The following KHDRBS2 variants were observed in gnomAD, a reference collection of about 807,000 sequenced individuals.
The protein encoded by KHDRBS2 is KH RNA binding domain containing, signal transduction associated 2, also known as KH domain-containing, RNA-binding, signal transduction-associated protein 2.
Under a neutral mutation model 44.3 loss-of-function variants are expected in KHDRBS2, and 26 were observed. The observed-to-expected ratio is 0.59, with a 90% CI of 0.43 to 0.81. KHDRBS2 has a LOEUF of 0.81. Among genes scored for constraint, KHDRBS2 ranks in the 40% least tolerant of loss-of-function variants. The pLI is 0.00. For synonymous variants in KHDRBS2, 194 were observed against 151.1 expected, an observed-to-expected ratio of 1.28 and a Z score of -2.08; for missense variants, 476 against 433.1, an observed-to-expected ratio of 1.10 and a Z score of -0.88.
At chr6:61,685,288 A>G (rs17239078) in intron 8 of KHDRBS2, among the ~76,000 whole-genome samples, 5,030 of 151,896 alleles carry the variant, frequency 0.033, 116 homozygotes, top group Non-Finnish European at 0.055. Context: ...ATTATTTTGT[A>G]TTATCTGGCC....
chr6:61,972,823 C>T lies in KHDRBS2; in HGVS notation c.483+5243G>A, dbSNP rs574456041. Reference sequence around the variant, plus strand: ...CTGGCTGGTGGGGTTTAGTTGAATACATTGTTTTCCCTATATATTCACCTG... The same window carrying T: ...CTGGCTGGTGGGGTTTAGTTGAATATATTGTTTTCCCTATATATTCACCTG... On this transcript the variant is annotated intron_variant, in intron 4 of 8. Transcript: ENST00000281156. Among the ~76,000 whole-genome samples the T allele has an allele frequency of 4.9e-4, 74 of 152,254 alleles. 2 individuals are homozygous for T. The South Asian group carries it at 8.9e-3, about 18-fold the overall frequency.
At chr6:61,997,746 C>T (rs76355053) in intron 3 of KHDRBS2, among the ~76,000 whole-genome samples, 1 of 152,150 alleles carries the variant, frequency 6.6e-6, no homozygotes, top group Admixed American at 6.6e-5. Flanking sequence ...AATGTTCTCT[C>T]AAGGCCTTGT....
chr6:61,790,048 G>A (rs1244764753), intron 6 of KHDRBS2, among the ~76,000 whole-genome samples: 3 of 151,418 alleles, frequency 2.0e-5, no homozygotes, highest in African/African-American at 7.3e-5. Flanking sequence ...CTAGTGAATT[G>A]ACTCAGGCAT....
At chr6:61,821,593 C>T (rs1789920218) in intron 6 of KHDRBS2, among the ~76,000 whole-genome samples, 1 of 151,976 alleles carries the variant, frequency 6.6e-6, no homozygotes, top group African/African-American at 2.4e-5. Flanking sequence ...CAAGCAGACT[C>T]TTTCTATCTT....
At chr6:62,015,272 C>T (rs1450227220) in intron 3 of KHDRBS2, among the ~76,000 whole-genome samples, 4 of 152,054 alleles carry the variant, frequency 2.6e-5, no homozygotes, top group African/African-American at 9.7e-5. Context: ...TTGATTTTTA[C>T]AGATAAAGAC....
chr6:61,772,342 A>G (rs936675275), intron 6 of KHDRBS2, among the ~76,000 whole-genome samples: 14 of 152,190 alleles, frequency 9.2e-5, no homozygotes, highest in African/African-American at 3.1e-4. Context: ...AAGGAAATAG[A>G]GACACAAAAA....
chr6:62,248,730 T>C (rs1296872103), intron 1 of KHDRBS2, among the ~76,000 whole-genome samples: 2 of 152,106 alleles, frequency 1.3e-5, no homozygotes, highest in Non-Finnish European at 2.9e-5. Flanking sequence ...GGGAGCTCAA[T>C]TGAATTGTCT....
At chr6:62,280,227 C>T (rs960656913) in intron 1 of KHDRBS2, among the ~76,000 whole-genome samples, 2 of 152,040 alleles carry the variant, frequency 1.3e-5, no homozygotes, top group African/African-American at 2.4e-5. Flanking sequence ...ATTATAAGAA[C>T]GTCAAGGGGT....
chr6:61,846,570 TA>T (rs1794443828), intron 6 of KHDRBS2, among the ~76,000 whole-genome samples: 1 of 152,182 alleles, frequency 6.6e-6, no homozygotes, highest in East Asian at 1.9e-4. Context: ...AAAGAAGAGT[TA>T]AACTTTTAAA....
chr6:62,070,927 A>G (rs945308014), intron 2 of KHDRBS2, among the ~76,000 whole-genome samples: 3 of 152,158 alleles, frequency 2.0e-5, no homozygotes. Flanking sequence ...TGACTTCCAC[A>G]ATGGTTGAAC....
At chr6:62,168,340 C>T (rs1183892573) in intron 2 of KHDRBS2, among the ~76,000 whole-genome samples, 1 of 152,066 alleles carries the variant, frequency 6.6e-6, no homozygotes, top group East Asian at 1.9e-4. Flanking sequence ...ATGTATTTCA[C>T]AGAATTCTAA....
chr6:61,771,725 C>T (rs1048905941), intron 6 of KHDRBS2, among the ~76,000 whole-genome samples: 4 of 152,108 alleles, frequency 2.6e-5, no homozygotes, highest in South Asian at 2.1e-4. Flanking sequence ...TAGACTCACA[C>T]ACAATAATAA....
intron 7 of KHDRBS2, among the ~76,000 whole-genome samples, chr6:61,715,577 C>T (rs1771264039): frequency 6.6e-6 from 1 of 152,002 alleles, no homozygotes; most frequent in Non-Finnish European, 1.5e-5. Context: ...GGCATCAGCT[C>T]TTCTGAGAAG....
chr6:61,707,291 C>T (rs1374183614), intron 7 of KHDRBS2, among the ~76,000 whole-genome samples: 2 of 151,876 alleles, frequency 1.3e-5, no homozygotes, highest in East Asian at 3.9e-4. Context: ...ATGTCCACCC[C>T]TAAGTGCAGT....
chr6:61,567,246 C>T, the KHDRBS2 span, among the ~76,000 whole-genome samples: 1 of 152,084 alleles, frequency 6.6e-6, no homozygotes, highest in Non-Finnish European at 1.5e-5. Flanking sequence ...TTTACAGCTG[C>T]AAGTTTTCTA....
At chr6:62,205,330 T>C (rs1236311236) in intron 1 of KHDRBS2, among the ~76,000 whole-genome samples, 1 of 152,152 alleles carries the variant, frequency 6.6e-6, no homozygotes, top group Non-Finnish European at 1.5e-5. Flanking sequence ...AAATGAAAGA[T>C]ATTTATAGTT....
chr6:61,763,979 C>T (rs1278350686), intron 6 of KHDRBS2, among the ~76,000 whole-genome samples: 1 of 152,038 alleles, frequency 6.6e-6, no homozygotes, highest in African/African-American at 2.4e-5. Flanking sequence ...GCTTTCCCAC[C>T]CCCTACCCTC....
intron 7 of KHDRBS2, among the ~76,000 whole-genome samples, chr6:61,717,434 A>G (rs192069985): frequency 6.6e-6 from 1 of 152,114 alleles, no homozygotes; most frequent in Non-Finnish European, 1.5e-5. Context: ...CCTACTGTTT[A>G]TGCATGCAGA....
chr6:61,626,331 G>GT, the KHDRBS2 span, among the ~76,000 whole-genome samples: 2 of 152,180 alleles, frequency 1.3e-5, no homozygotes, highest in Non-Finnish European at 2.9e-5. Context: ...GGTACAGAGG[G>GT]TAGGCTGGTT....
Sources: allele counts gnomAD v4.1 joint callset (sites outside exome capture counted in the v4.1 genomes callset), GRCh38; gene constraint gnomAD v4.1.1; transcripts MANE v1.5; gene names NCBI Gene and HGNC (gene_info 2026-07-23, HGNC 2026-07-21).